TLR2: variants seen among roughly 807,000 people sequenced by gnomAD.
TLR2 encodes toll like receptor 2.
Under a neutral mutation model 9.1 loss-of-function variants are expected in TLR2, and 7 were observed. That is an observed-to-expected ratio of 0.77 (90% CI 0.44 to 1.44). The LOEUF (loss-of-function observed/expected upper bound fraction) is 1.44. Among genes scored for constraint, TLR2 ranks in the 40% most tolerant of loss-of-function variants. The probability of loss-of-function intolerance (pLI) is 0.01; values close to 1 mark genes in which losing one functional copy is unlikely to be tolerated. For synonymous variants in TLR2, 317 were observed against 344.6 expected, an observed-to-expected ratio of 0.92 and a Z score of 0.89; for missense variants, 812 against 904.6, an observed-to-expected ratio of 0.90 and a Z score of 1.31.
chr4:153,703,763 G>T lies in TLR2; in HGVS notation c.856G>T (p.Asp286Tyr). ...ISGLLELEFD[D>Y]CTLNGVGNFR... is the part of the protein sequence containing the mutation. ...TGGATTGTTAGAATTAGAGTTTGAT[G>T]ACTGTACCCTTAATGGAGTTGGTAA... The change falls in exon 3 of 3, where the codon GAC (aspartate) becomes TAC (tyrosine). Residue 286 changes from aspartate to tyrosine, a missense_variant. By Grantham distance (160) the Asp-to-Tyr change is radical. Transcript: ENST00000642700. The T allele has an allele frequency of 2.5e-6, 4 of 1,613,938 alleles. No homozygotes were observed. In the South Asian group the frequency reaches 4.4e-5, roughly 18 times the overall value.
At position 153,704,713 on chromosome 4, in the gene TLR2, C is replaced by G; in HGVS notation, c.1806C>G (p.Ile602Met). ...SGMCCALFLLILLTGVLCHRF... is the reference protein window; with the variant it reads ...SGMCCALFLLMLLTGVLCHRF... ...TGTGCTGTGCTCTGTTCCTGCTGAT[C>G]CTGCTCACGGGGGTCCTGTGCCACC... Residue 602 changes from isoleucine (I) to methionine (M), a missense_variant, in exon 3 of 3, where the codon ATC becomes ATG. By Grantham distance (10) the Ile-to-Met change is conservative (BLOSUM62 1). Coordinates refer to ENST00000642700, the MANE Select transcript of TLR2 (RefSeq NM_001318789.2). The G allele has an allele frequency of 6.2e-7, 1 of 1,613,964 alleles. No homozygotes were observed. The highest frequency in any genetic ancestry group is 8.5e-7 in the Non-Finnish European group (1 of 1,179,978).
At chr4:153,692,039 A>G (rs900976826) in intron 2 of TLR2, among the ~76,000 whole-genome samples, 3 of 152,230 alleles carry the variant, frequency 2.0e-5, no homozygotes, top group African/African-American at 4.8e-5. Context: ...CTTGCCCTTC[A>G]TAAGTCTGGC....
Position 153,703,209 on chromosome 4 carries a change from G to C in TLR2, c.302G>C (p.Ser101Thr). ...GAAGATTCTTTTTCTTCCCTGGGCA[G>C]TCTTGAACATTTAGACTTATCCTAT... is the stretch of plus-strand genomic sequence containing the variant. The part of the protein sequence containing the change: ...IEEDSFSSLG[S>T]LEHLDLSYNY... The change falls in exon 3 of 3, where the codon AGT becomes ACT. Residue 101 changes from serine to threonine, a missense_variant. By Grantham distance (58) the Ser-to-Thr change is moderately conservative (BLOSUM62 1). Transcript: ENST00000642700. 1 of 1,614,182 alleles carries C rather than the reference G, an allele frequency of 6.2e-7. No individual in the cohort carries two copies. Among genetic ancestry groups the C allele is most frequent in the Non-Finnish European group, 8.5e-7 (1 of 1,180,014 alleles).
intron 2 of TLR2, among the ~76,000 whole-genome samples, chr4:153,690,980 A>G (rs906869954): frequency 6.6e-6 from 1 of 152,242 alleles, no homozygotes; most frequent in African/African-American, 2.4e-5. Flanking sequence ...AGCATTTTCA[A>G]TTAATTGTAT....
chr4:153,687,594 G>GA (rs1376894100), intron 1 of TLR2, among the ~76,000 whole-genome samples: 2 of 10,304 alleles, frequency 1.9e-4, no homozygotes, highest in Non-Finnish European at 1.2e-3. Context: ...CCTAACTTAG[G>GA]AGCTTTTTTT....
At chr4:153,710,210 C>T, downstream of TLR2, 2 of 548,376 alleles carry the variant, frequency 3.6e-6, no homozygotes, top group Non-Finnish European at 6.2e-6. Context: ...CATTGTTCAG[C>T]TTCTCTTTAA....
rs1737136742 is a variant in TLR2 at position 153,704,085 on chromosome 4, T to C, written c.1178T>C (p.Ile393Thr). 6.2e-7 allele frequency: 1 copy of C among 1,614,154 alleles called. No individual in the cohort carries two copies. The highest frequency in any genetic ancestry group is 8.5e-7 in the Non-Finnish European group (1 of 1,180,010). Residue 393 changes from isoleucine to threonine, a missense_variant, in exon 3 of 3, where the codon ATT becomes ACT. Coordinates refer to ENST00000642700, the MANE Select transcript of TLR2 (RefSeq NM_001318789.2). ...EDAWPSLQTL[I>T]LRQNHLASLE... ...GCCTGGCCCTCTCTACAAACTTTAA[T>C]TTTAAGGCAAAATCATTTGGCATCA...
intron 2 of TLR2, 142 bp from the exon 3 acceptor site, chr4:153,702,750 C>T: frequency 1.5e-6 from 1 of 681,384 alleles, no homozygotes; most frequent in African/African-American, 2.0e-5. Context: ...CTGTTTCTCT[C>T]TCTCTCTCTC....
chr4:153,690,388 T>C (rs1360316106), intron 2 of TLR2, among the ~76,000 whole-genome samples: 3 of 152,242 alleles, frequency 2.0e-5, no homozygotes, highest in Non-Finnish European at 4.4e-5. Flanking sequence ...TGTTTAATAT[T>C]CCATATAGAG....
At chr4:153,694,722 T>C (rs2127034620) in intron 2 of TLR2, among the ~76,000 whole-genome samples, 1 of 152,350 alleles carries the variant, frequency 6.6e-6, no homozygotes, top group Admixed American at 6.5e-5. Context: ...TGTACAATAA[T>C]GTTGACTGTG....
intron 1 of TLR2, among the ~76,000 whole-genome samples, chr4:153,687,232 G>A (rs952751346): frequency 1.5e-4 from 23 of 152,006 alleles, no homozygotes; most frequent in African/African-American, 4.8e-4. Flanking sequence ...GAAGAGTGAC[G>A]AAAAATGAAT....
chr4:153,685,791 G>A (rs931048493), intron 1 of TLR2, among the ~76,000 whole-genome samples: 9 of 151,910 alleles, frequency 5.9e-5, no homozygotes, highest in Non-Finnish European at 1.0e-4. Flanking sequence ...TTTAAAAGAG[G>A]GCAAGAAAAG....
chr4:153,703,928 A>G lies in TLR2; in HGVS notation c.1021A>G (p.Ile341Val), dbSNP rs1029159290. ...LYSLTERVKRITVENSKVFLV... is the reference protein window; with the variant it reads ...LYSLTERVKRVTVENSKVFLV... The stretch of plus-strand genomic sequence containing the variant: ...TTCACTTACAGAAAGAGTTAAAAGA[A>G]TCACAGTAGAAAACAGTAAAGTTTT... Residue 341 changes from isoleucine (I) to valine (V), a missense_variant, in exon 3 of 3, where the codon ATC becomes GTC. By Grantham distance (29) the Ile-to-Val change is conservative. Coordinates refer to ENST00000642700, the MANE Select transcript of TLR2 (RefSeq NM_001318789.2). The G allele has an allele frequency of 5.0e-6, 8 of 1,612,888 alleles. No individual in the cohort carries two copies. The highest frequency in any genetic ancestry group is 3.3e-4 in the Middle Eastern group (2 of 6,054).
chr4:153,703,295 A>G lies in TLR2; in HGVS notation c.388A>G (p.Asn130Asp), dbSNP rs201852542. Residue 130 changes from asparagine to aspartate, a missense_variant, in exon 3 of 3, where the codon AAC becomes GAC. By Grantham distance (23) the Asn-to-Asp change is conservative (BLOSUM62 1). Transcript: ENST00000642700. ...FKPLSSLTFL[N>D]LLGNPYKTLG... is the part of the protein sequence containing the mutation. ...GCCCCTTTCTTCTTTAACATTCTTA[A>G]ACTTACTGGGAAATCCTTACAAAAC... 13 of 1,612,144 alleles carry G rather than the reference A, an allele frequency of 8.1e-6. No individual in the cohort carries two copies. Among genetic ancestry groups the G allele is most frequent in the African/African-American group, 4.0e-5 (3 of 74,666 alleles).
chr4:153,685,290 A>C (rs1735622804), intron 1 of TLR2, among the ~76,000 whole-genome samples: 1 of 152,228 alleles, frequency 6.6e-6, no homozygotes, highest in Non-Finnish European at 1.5e-5. Flanking sequence ...ACTTAAATGC[A>C]AGCCAGGAAA....
downstream of TLR2, chr4:153,710,097 G>T: frequency 3.9e-6 from 1 of 256,826 alleles, no homozygotes; most frequent in Non-Finnish European, 7.4e-6. Flanking sequence ...AGTCAAACTG[G>T]AAGTAGAATG....
At chr4:153,700,001 G>A (rs759907400) in intron 2 of TLR2, among the ~76,000 whole-genome samples, 6 of 152,144 alleles carry the variant, frequency 3.9e-5, no homozygotes, top group Admixed American at 6.5e-5. Context: ...CATGGCACTA[G>A]CATCTGTTTG....
chr4:153,704,768 A>G lies in TLR2; in HGVS notation c.1861A>G (p.Met621Val). ...RFHGLWYMKM[M>V]WAWLQAKRKP... ...CCATGGCCTGTGGTATATGAAAATG[A>G]TGTGGGCCTGGCTCCAGGCCAAAAG... The change falls in exon 3 of 3, where the codon ATG (methionine) becomes GTG (valine). Residue 621 changes from methionine (M) to valine (V), a missense_variant. Transcript: ENST00000642700. 6.2e-7 allele frequency: 1 copy of G among 1,613,812 alleles called. No homozygotes were observed. Among genetic ancestry groups the G allele is most frequent in the Non-Finnish European group, 8.5e-7 (1 of 1,179,932 alleles).
intron 2 of TLR2, among the ~76,000 whole-genome samples, chr4:153,698,107 G>C (rs986260368): frequency 6.6e-6 from 1 of 152,106 alleles, no homozygotes; most frequent in Non-Finnish European, 1.5e-5. Flanking sequence ...AAATCGTAAA[G>C]TGTTCTTTTA....
Sources: gnomAD v4.1 joint callset for allele counts (sites outside exome capture counted in the v4.1 genomes callset) on GRCh38, gnomAD v4.1.1 for gene constraint, MANE v1.5 for transcripts, NCBI Gene and HGNC (gene_info 2026-07-23, HGNC 2026-07-21) for gene names.